AK4: variants seen among roughly 807,000 people sequenced by gnomAD.
AK4 encodes the protein adenylate kinase 4.
AK4 carries 13 observed loss-of-function variants against 24.6 expected under a neutral mutation model. The observed-to-expected ratio is 0.53, with a 90% CI of 0.34 to 0.84. AK4 has a LOEUF of 0.84. Ranked by LOEUF, AK4 falls within the 40% of genes least tolerant of loss-of-function variation. AK4 has a pLI of 0.01. For synonymous variants in AK4, 88 were observed against 107.0 expected, an observed-to-expected ratio of 0.82 and a Z score of 1.10; for missense variants, 192 against 288.2, an observed-to-expected ratio of 0.67 and a Z score of 2.42.
chr1:65,178,853 AG>A (rs569928424), intron 1 of AK4, among the ~76,000 whole-genome samples: 504 of 152,248 alleles, frequency 3.3e-3, no homozygotes, highest in Middle Eastern at 0.01. Flanking sequence ...TAAGGAAATG[AG>A]GGTGGGAGGT....
chr1:65,197,005 C>G (rs1651491870), intron 2 of AK4, among the ~76,000 whole-genome samples: 1 of 152,112 alleles, frequency 6.6e-6, no homozygotes, highest in Admixed American at 6.5e-5. Flanking sequence ...TTAAAACTAT[C>G]AGATCTCATG....
chr1:65,155,644 CTTT>C (rs11340935), intron 1 of AK4, among the ~76,000 whole-genome samples: 2 of 145,050 alleles, frequency 1.4e-5, no homozygotes, highest in African/African-American at 2.5e-5. Context: ...ACTGCTAATA[CTTT>C]TTTTTTTTTT....
At chr1:65,198,777 A>AT (rs1296344910) in intron 2 of AK4, among the ~76,000 whole-genome samples, 1 of 151,762 alleles carries the variant, frequency 6.6e-6, no homozygotes, top group Non-Finnish European at 1.5e-5. Flanking sequence ...ATCATCCAAA[A>AT]TTCTGATTTG....
At chr1:65,192,175 A>G (rs1158343754) in intron 2 of AK4, among the ~76,000 whole-genome samples, 4 of 152,202 alleles carry the variant, frequency 2.6e-5, no homozygotes, top group Non-Finnish European at 5.9e-5. Context: ...AAGAAAAGAA[A>G]TTTATTTCTC....
At chr1:65,197,549 G>A (rs1651518811) in intron 2 of AK4, among the ~76,000 whole-genome samples, 1 of 152,200 alleles carries the variant, frequency 6.6e-6, no homozygotes, top group Non-Finnish European at 1.5e-5. Flanking sequence ...ACACTAACAA[G>A]TGCTTTCTGA....
At chr1:65,205,469 A>G (rs902455211) in intron 2 of AK4, among the ~76,000 whole-genome samples, 1 of 152,144 alleles carries the variant, frequency 6.6e-6, no homozygotes, top group East Asian at 1.9e-4. Flanking sequence ...CTTAGGCTCA[A>G]GCAATCTTCC....
chr1:65,161,537 T>C (rs182014353), intron 1 of AK4, among the ~76,000 whole-genome samples: 13 of 152,300 alleles, frequency 8.5e-5, no homozygotes. Flanking sequence ...ATTTCTACTC[T>C]CATTGCTTCC....
chr1:65,171,122 ATTTTTT>A (rs59764198), intron 1 of AK4, among the ~76,000 whole-genome samples: 8 of 122,940 alleles, frequency 6.5e-5, no homozygotes, highest in Non-Finnish European at 1.3e-4. Context: ...TGCTTGGCTA[ATTTTTT>A]TTTTTTTTTT....
chr1:65,152,913 T>G (rs1343486846), intron 1 of AK4, among the ~76,000 whole-genome samples: 3 of 152,172 alleles, frequency 2.0e-5, no homozygotes, highest in African/African-American at 4.8e-5. Flanking sequence ...TAGAGAGACT[T>G]GGGAGCCAGA....
intron 1 of AK4, among the ~76,000 whole-genome samples, chr1:65,172,105 T>TATATATATC (rs1650555801): frequency 1.4e-5 from 1 of 69,086 alleles, no homozygotes; most frequent in Non-Finnish European, 4.0e-5. Context: ...ATATATATAT[T>TATATATATC]TAAACTCATT....
intron 2 of AK4, among the ~76,000 whole-genome samples, chr1:65,206,575 G>A (rs940411546): frequency 8.5e-5 from 13 of 152,214 alleles, no homozygotes; most frequent in East Asian, 1.9e-4. Flanking sequence ...CTGCGTGTGC[G>A]TGTGTGCACG....
intron 2 of AK4, among the ~76,000 whole-genome samples, chr1:65,200,541 C>T (rs1651631480): frequency 6.6e-6 from 1 of 152,192 alleles, no homozygotes; most frequent in Admixed American, 6.5e-5. Flanking sequence ...ACACTGCCAT[C>T]TTCTTACACA....
chr1:65,197,029 A>G (rs1651492983), intron 2 of AK4, among the ~76,000 whole-genome samples: 1 of 152,128 alleles, frequency 6.6e-6, no homozygotes, highest in Non-Finnish European at 1.5e-5. Flanking sequence ...CTTACTGACT[A>G]TCATGAGAAC....
chr1:65,170,587 A>T (rs1177740511), intron 1 of AK4, among the ~76,000 whole-genome samples: 1 of 152,162 alleles, frequency 6.6e-6, no homozygotes, highest in Non-Finnish European at 1.5e-5. Flanking sequence ...TATGGCTGAG[A>T]TTGTGAAAGA....
At chr1:65,221,694 A>G (rs370412983) in intron 3 of AK4, among the ~76,000 whole-genome samples, 1 of 152,390 alleles carries the variant, frequency 6.6e-6, no homozygotes, top group East Asian at 1.9e-4. Context: ...GAAGTCCAAC[A>G]CAGACGCTTT....
At chr1:65,166,675 A>G (rs1228728567) in intron 1 of AK4, among the ~76,000 whole-genome samples, 2 of 152,124 alleles carry the variant, frequency 1.3e-5, no homozygotes, top group East Asian at 1.9e-4. Context: ...GGTGCTCAAC[A>G]CCACACCACC....
At chr1:65,203,801 A>T (rs1474061877) in intron 2 of AK4, among the ~76,000 whole-genome samples, 1 of 151,834 alleles carries the variant, frequency 6.6e-6, no homozygotes, top group Non-Finnish European at 1.5e-5. Flanking sequence ...GTGAAATTCC[A>T]TCTCAAAGAA....
rs1216939815 is a variant in AK4, at chr1:65,181,294, C to T, written c.146-9416C>T. ...ATCTTGTAATGATTCTCTTGCTTTA[C>T]CATATACTTTTGTATATGCATGTAG... On this transcript the variant is annotated intron_variant, in intron 1 of 4. Coordinates refer to ENST00000327299, the MANE Select transcript of AK4 (RefSeq NM_013410.4). 2.0e-5 allele frequency among the ~76,000 whole-genome samples: 3 copies of T among 151,872 alleles called. No homozygotes were observed. In the East Asian group the frequency reaches 5.8e-4, roughly 29 times the overall value.
intron 1 of AK4, among the ~76,000 whole-genome samples, chr1:65,178,938 T>C (rs1650811598): frequency 6.6e-6 from 1 of 152,168 alleles, no homozygotes; most frequent in Non-Finnish European, 1.5e-5. Context: ...ATCCATGCCA[T>C]CCTACAAGCC....
Sources: allele counts gnomAD v4.1 joint callset (sites outside exome capture counted in the v4.1 genomes callset), GRCh38; gene constraint gnomAD v4.1.1; transcripts MANE v1.5; gene names NCBI Gene and HGNC (gene_info 2026-07-23, HGNC 2026-07-21).